Variants in CROT observed in about 807,000 individuals in gnomAD.
The protein encoded by CROT is peroxisomal carnitine O-octanoyltransferase.
Under a neutral mutation model 89.2 loss-of-function variants are expected in CROT, and 84 were observed. The observed-to-expected ratio is 0.94, with a 90% CI of 0.79 to 1.13. The LOEUF (loss-of-function observed/expected upper bound fraction) is 1.13, where lower values mean the gene tolerates loss of function less well. Ranked by LOEUF, CROT falls within the 50% of genes most tolerant of loss-of-function variation. The pLI is 0.00. For missense variants in CROT, 711 were observed against 727.8 expected, an observed-to-expected ratio of 0.98 and a Z score of 0.27; for synonymous variants, 212 against 239.5, an observed-to-expected ratio of 0.89 and a Z score of 1.06.
At position 87,392,757 on chromosome 7, in the gene CROT, TACTC is replaced by T; in HGVS notation, c.1534_1537del (p.Leu512Ter). The T allele has an allele frequency of 6.2e-7, 1 of 1,613,778 alleles. No individual in the cohort carries two copies. Among genetic ancestry groups the T allele is most frequent in the Non-Finnish European group, 8.5e-7 (1 of 1,179,806 alleles). On this transcript the variant is annotated frameshift_variant, in exon 16 of 18. Coordinates refer to ENST00000331536, the MANE Select transcript of CROT (RefSeq NM_021151.4). LOFTEE classifies it high-confidence loss of function. ...TTTGATCGTCACCTTTTAGGTCTCT[TACTC>T]ATAGCAAAAGAGGAAGGTCTTCCTG...
intron 13 of CROT, among the ~76,000 whole-genome samples, chr7:87,384,966 G>A (rs1807142722): frequency 6.6e-6 from 1 of 152,098 alleles, no homozygotes; most frequent in East Asian, 1.9e-4. Context: ...TTATTGAAGA[G>A]CCTGTCCTTT....
At chr7:87,389,844 G>T (rs1807304743) in intron 13 of CROT, among the ~76,000 whole-genome samples, 1 of 151,920 alleles carries the variant, frequency 6.6e-6, no homozygotes, top group African/African-American at 2.4e-5. Context: ...CTAGCATTAA[G>T]ACTGGCTTGC....
At position 87,391,653 on chromosome 7, in the gene CROT, C is replaced by T. The variant is rs775593653; in HGVS notation, c.1366C>T (p.Arg456Ter). 9.9e-6 allele frequency: 16 copies of T among 1,611,218 alleles called. No individual in the cohort carries two copies. Among genetic ancestry groups the T allele is most frequent in the East Asian group, 6.7e-5 (3 of 44,658 alleles). Residue 456 changes from arginine (R) to a stop codon, truncating the protein, a stop_gained, in exon 14 of 18, where the codon CGA (arginine) becomes TGA (stop). Transcript: ENST00000331536. LOFTEE classifies it high-confidence loss of function. ...TTATCATGGCCGTACAGAGACTATGCGATCATGCACAGTTGAAGCAGTGAG... is the reference window on the plus strand; with the variant it reads ...TTATCATGGCCGTACAGAGACTATGTGATCATGCACAGTTGAAGCAGTGAG... ...HFYHGRTETM[R>*]SCTVEAVRWC...
chr7:87,357,434 C>T, intron 3 of CROT: 3 of 1,547,354 alleles, frequency 1.9e-6, no homozygotes, highest in Non-Finnish European at 2.6e-6. Flanking sequence ...CCCCATTTAT[C>T]AGAGGTGGCC....
chr7:87,377,674 A>C (rs936613537), intron 10 of CROT, among the ~76,000 whole-genome samples: 1 of 152,160 alleles, frequency 6.6e-6, no homozygotes, highest in African/African-American at 2.4e-5. Context: ...GCAAAATGGG[A>C]TTTGCATATA....
At chr7:87,347,147 A>G (rs1805709491) in intron 2 of CROT, among the ~76,000 whole-genome samples, 1 of 152,178 alleles carries the variant, frequency 6.6e-6, no homozygotes, top group South Asian at 2.1e-4. Flanking sequence ...GCTCTTATGG[A>G]CTCAAGTGAT....
intron 6 of CROT, among the ~76,000 whole-genome samples, chr7:87,364,304 C>T (rs945054886): frequency 1.3e-5 from 2 of 152,098 alleles, no homozygotes; most frequent in Non-Finnish European, 2.9e-5. Flanking sequence ...AGGTTCAATA[C>T]TGTATTTTCC....
intron 4 of CROT, among the ~76,000 whole-genome samples, chr7:87,360,859 T>C (rs978756330): frequency 6.6e-6 from 1 of 152,222 alleles, no homozygotes; most frequent in African/African-American, 2.4e-5. Flanking sequence ...TCGTTTTTGA[T>C]AGTGTAGTTA....
chr7:87,356,624 A>C (rs1806075939), intron 3 of CROT, among the ~76,000 whole-genome samples: 1 of 152,204 alleles, frequency 6.6e-6, no homozygotes, highest in East Asian at 1.9e-4. Flanking sequence ...GAAGCTTCAG[A>C]TAAGAGAATG....
chr7:87,375,738 A>C lies in CROT; in HGVS notation c.750+13A>C. 6.2e-7 allele frequency: 1 copy of C among 1,612,766 alleles called. No homozygotes were observed. Among genetic ancestry groups the C allele is most frequent in the Non-Finnish European group, 8.5e-7 (1 of 1,179,036 alleles). ...TCGATGGGCTAAGGTTCTGATTTAC[A>C]CTTTTCTTAACGAAGCTTTTCTCTA... On this transcript the variant is annotated intron_variant, in intron 8 of 17. Coordinates refer to ENST00000331536, the MANE Select transcript of CROT (RefSeq NM_021151.4).
chr7:87,391,444 G>A, intron 13 of CROT, 145 bp from the exon 14 acceptor site: 1 of 697,444 alleles, frequency 1.4e-6, no homozygotes, highest in Non-Finnish European at 2.2e-6. Context: ...ATTGGAAATA[G>A]GCTCTTTTTT....
chr7:87,398,849 T>C lies in CROT; in HGVS notation c.*205T>C. Reference sequence around the variant, plus strand: ...AGGTAGAAATATTTTTAAGCTCCTCTGATGCAGCAGCAATGCAAATTATGA... The same window carrying C: ...AGGTAGAAATATTTTTAAGCTCCTCCGATGCAGCAGCAATGCAAATTATGA... On this transcript the variant is annotated 3_prime_UTR_variant, in exon 18 of 18. Transcript: ENST00000331536. 1.8e-6 allele frequency: 1 copy of C among 556,660 alleles called. No homozygotes were observed. Among genetic ancestry groups the C allele is most frequent in the South Asian group, 2.2e-5 (1 of 46,062 alleles). 34.5% of individuals were successfully genotyped at this position (556,660 alleles called of 1,614,324 possible). A position where few individuals can be genotyped will look rare whatever the true frequency, so the allele number is the denominator to read the frequency against.
chr7:87,353,879 G>T (rs539685404), intron 3 of CROT, among the ~76,000 whole-genome samples: 17 of 152,152 alleles, frequency 1.1e-4, no homozygotes, highest in Admixed American at 1.1e-3. Context: ...AACACTGGGC[G>T]TTACATTTCA....
At chr7:87,398,262 A>G (rs1807612196) in intron 17 of CROT, 2 of 620,546 alleles carry the variant, frequency 3.2e-6, no homozygotes, top group African/African-American at 3.6e-5. Flanking sequence ...ACGCAGTAAG[A>G]CCTAGCTTCA....
rs764481627 is a variant in CROT, at chr7:87,392,575, C to T, written c.1435C>T (p.Arg479Trp). ...TCGATTTTTAATACAGCTTCGTGAG[C>T]GGCAGCAAAAGATGTTACAAGCTTT... The part of the protein sequence containing the change: ...MQDPSVNLRE[R>W]QQKMLQAFAK... Residue 479 changes from arginine (R) to tryptophan (W), a missense_variant, in exon 15 of 18, where the codon CGG becomes TGG. Transcript: ENST00000331536. 1.1e-5 allele frequency: 17 copies of T among 1,612,526 alleles called. No homozygotes were observed. The highest frequency in any genetic ancestry group is 6.7e-5 in the East Asian group (3 of 44,868).
intron 10 of CROT, 82 bp from the exon 11 acceptor site, chr7:87,381,827 TG>T: frequency 1.1e-6 from 1 of 895,964 alleles, no homozygotes. Context: ...CTGTTAAGAA[TG>T]GACACAAAGT....
At chr7:87,362,775 A>AT (rs1157682836) in intron 6 of CROT, among the ~76,000 whole-genome samples, 2 of 151,918 alleles carry the variant, frequency 1.3e-5, no homozygotes, top group African/African-American at 2.4e-5. Context: ...TTGTGAATGG[A>AT]TTTTTTTCTT....
At chr7:87,348,449 C>T (rs1052040707) in intron 2 of CROT, among the ~76,000 whole-genome samples, 2 of 152,184 alleles carry the variant, frequency 1.3e-5, no homozygotes, top group Non-Finnish European at 2.9e-5. Context: ...TTTAATTCTA[C>T]AGTTGGACAC....
Position 87,394,555 on chromosome 7 carries a change from T to TAAA in CROT, c.1718+1497_1718+1499dup, listed in dbSNP as rs58160892. Among the ~76,000 whole-genome samples the TAAA allele has an allele frequency of 3.5e-4, 52 of 148,684 alleles. 2 individuals carry two copies. The South Asian group carries it at 9.2e-3, about 26-fold the overall frequency. On this transcript the variant is annotated intron_variant, in intron 17 of 17. Coordinates refer to ENST00000331536, the MANE Select transcript of CROT (RefSeq NM_021151.4). ...AAATAAATCTAGTATAAGTACTATT[T>TAAA]AAAAAAAAAAAGGAAATTTGTGAAG... is the stretch of plus-strand genomic sequence containing the variant.
Sources: allele counts gnomAD v4.1 joint callset (sites outside exome capture counted in the v4.1 genomes callset), GRCh38; gene constraint gnomAD v4.1.1; transcripts MANE v1.5; gene names NCBI Gene and HGNC (gene_info 2026-07-23, HGNC 2026-07-21).